APOL5: variants seen among roughly 807,000 people sequenced by gnomAD.
APOL5 encodes the protein apolipoprotein L5.
Under a neutral mutation model 35.5 loss-of-function variants are expected in APOL5, and 29 were observed. That is an observed-to-expected ratio of 0.82 (90% CI 0.61 to 1.11). The LOEUF (loss-of-function observed/expected upper bound fraction) is 1.11, where lower values mean the gene tolerates loss of function less well. Ranked by LOEUF, APOL5 falls within the 50% of genes most tolerant of loss-of-function variation. APOL5 has a pLI of 0.00. For missense variants in APOL5, 514 were observed against 530.4 expected, an observed-to-expected ratio of 0.97 and a Z score of 0.30; for synonymous variants, 188 against 200.2, an observed-to-expected ratio of 0.94 and a Z score of 0.51.
chr22:35,712,096 T>G, the APOL5 span, among the ~76,000 whole-genome samples: 1 of 152,170 alleles, frequency 6.6e-6, no homozygotes, highest in East Asian at 1.9e-4. Context: ...AGCTTCAACC[T>G]CCTGGGCTCA....
chr22:35,711,386 C>G, the APOL5 span, among the ~76,000 whole-genome samples: 2 of 152,104 alleles, frequency 1.3e-5, no homozygotes, highest in African/African-American at 4.8e-5. Context: ...TTTCAATTCT[C>G]TTGGGTATAT....
At position 35,726,512 on chromosome 22, in the gene APOL5, TG is replaced by T; in HGVS notation, c.448del (p.Val150SerfsTer2). The stretch of plus-strand genomic sequence containing the variant: ...TGGCCAGCTCTTCCGGGGCTGTTTC[TG>T]GGGTCATGAACATCCTGGGTTTGGC... Reference protein sequence around the residue: ...LVASSSGAVSGVMNILGLALA... With the variant: ...LVASSSGAVSXVMNILGLALA... On this transcript the variant is annotated frameshift_variant, in exon 3 of 5. Transcript: ENST00000249044. LOFTEE classifies it high-confidence loss of function. 1 of 1,614,210 alleles carries T rather than the reference TG, an allele frequency of 6.2e-7. No homozygotes were observed. Among genetic ancestry groups the T allele is most frequent in the Non-Finnish European group, 8.5e-7 (1 of 1,180,028 alleles).
In APOL5 at chr22:35,726,646, G is replaced by C. The variant is rs747447777; in HGVS notation, c.578G>C (p.Arg193Thr). Reference sequence around the variant, plus strand: ...ATAGTAACAAATGTCTTAGAAAATAGAAGCAATTCAGCAGCAAGAGACAAA... The same window carrying C: ...ATAGTAACAAATGTCTTAGAAAATACAAGCAATTCAGCAGCAAGAGACAAA... ...TNIVTNVLENRSNSAARDKAS... is the reference protein window; with the variant it reads ...TNIVTNVLENTSNSAARDKAS... Residue 193 changes from arginine (R) to threonine (T), a missense_variant, in exon 3 of 5, where the codon AGA becomes ACA. By Grantham distance (71) the Arg-to-Thr change is moderately conservative. Transcript: ENST00000249044. 2.5e-6 allele frequency: 4 copies of C among 1,614,214 alleles called. No individual in the cohort carries two copies. Among genetic ancestry groups the C allele is most frequent in the Non-Finnish European group, 3.4e-6 (4 of 1,180,034 alleles).
intron 3 of APOL5, among the ~76,000 whole-genome samples, 162 bp from the exon 4 acceptor site, chr22:35,728,561 G>A (rs982738222): frequency 6.6e-6 from 1 of 152,290 alleles, no homozygotes; most frequent in East Asian, 1.9e-4. Context: ...GTAATTCTGC[G>A]GTGCCGCCAA....
upstream of APOL5, among the ~76,000 whole-genome samples, chr22:35,714,671 G>A (rs558236593): frequency 1.1e-4 from 16 of 152,320 alleles, no homozygotes; most frequent in South Asian, 2.7e-3. Context: ...GTTCAGGATC[G>A]CTGTGTCCTC....
upstream of APOL5, among the ~76,000 whole-genome samples, chr22:35,715,354 T>A (rs1926713377): frequency 2.0e-5 from 3 of 152,166 alleles, no homozygotes. Context: ...CATAAAAAAC[T>A]TAGTGTCAGC....
chr22:35,714,227 G>A (rs1320467381), upstream of APOL5, among the ~76,000 whole-genome samples: 2 of 152,266 alleles, frequency 1.3e-5, no homozygotes, highest in African/African-American at 2.4e-5. Context: ...CAGGAGAATC[G>A]CTTGAACCTG....
chr22:35,728,433 C>G (rs1462944577), intron 3 of APOL5, among the ~76,000 whole-genome samples: 1 of 152,154 alleles, frequency 6.6e-6, no homozygotes. Context: ...CCGTGTTAGC[C>G]AGGATGGTCT....
chr22:35,726,239 G>C lies in APOL5; in HGVS notation c.171G>C (p.Trp57Cys). ...CACTCGTGAACCTGTGCCAGAGTTGGAAAATTAACAATTTGATGTCAACTG... is the reference window on the plus strand; with the variant it reads ...CACTCGTGAACCTGTGCCAGAGTTGCAAAATTAACAATTTGATGTCAACTG... ...FPSLVNLCQS[W>C]KINNLMSTVH... The change falls in exon 3 of 5, where the codon TGG becomes TGC. Residue 57 changes from tryptophan to cysteine, a missense_variant. Physicochemically the swap from Trp to Cys is radical, Grantham distance 215 (BLOSUM62 -2). This residue lies in a region of APOL5 where 254 missense variants were observed against 254.7 expected (regional missense o/e 1.00). Transcript: ENST00000249044. 1.2e-6 allele frequency: 2 copies of C among 1,611,414 alleles called. No individual in the cohort carries two copies. Among genetic ancestry groups the C allele is most frequent in the Admixed American group, 1.7e-5 (1 of 59,992 alleles).
chr22:35,726,298 TTC>T lies in APOL5; in HGVS notation c.232_233del (p.Leu78ValfsTer2). 1 of 1,614,220 alleles carries T rather than the reference TTC, an allele frequency of 6.2e-7. No homozygotes were observed. ...GATGAGGCTGGTATGCTGTCCTACTTTCTGTTTGAAGAGCTGATGCGATGTGA... is the reference window on the plus strand; with the variant it reads ...GATGAGGCTGGTATGCTGTCCTACTTTGTTTGAAGAGCTGATGCGATGTGA... On this transcript the variant is annotated frameshift_variant, in exon 3 of 5. Transcript: ENST00000249044. LOFTEE classifies it high-confidence loss of function.
chr22:35,718,002 T>C (rs1327952644), intron 1 of APOL5, 76 bp downstream of exon 1: 8 of 1,236,976 alleles, frequency 6.5e-6, no homozygotes, highest in Non-Finnish European at 8.8e-6. Flanking sequence ...AAAAAATACG[T>C]TACACTATTT....
the APOL5 span, among the ~76,000 whole-genome samples, chr22:35,712,815 C>G: frequency 6.6e-6 from 1 of 152,166 alleles, no homozygotes; most frequent in Non-Finnish European, 1.5e-5. Flanking sequence ...TATATTTCTC[C>G]CCAGCAATGG....
upstream of APOL5, among the ~76,000 whole-genome samples, chr22:35,712,983 G>A (rs535447933): frequency 6.6e-6 from 1 of 152,144 alleles, no homozygotes; most frequent in African/African-American, 2.4e-5. Context: ...CTGCCAACCT[G>A]TACACCTTAG....
Position 35,726,446 on chromosome 22 carries a change from A to G in APOL5, c.378A>G (p.Gln126=). ...AAGAACTTAACACCCTTGCGGACCA[A>G]GTTGACACCACTCACGAGTTGCTTA... is the stretch of plus-strand genomic sequence containing the variant. The part of the protein sequence containing the change: ...NIKELNTLAD[Q]VDTTHELLTK... Residue 126 remains glutamine, a synonymous_variant, in exon 3 of 5, where the codon CAA becomes CAG. Coordinates refer to ENST00000249044, the MANE Select transcript of APOL5 (RefSeq NM_030642.1). 1 of 1,614,140 alleles carries G rather than the reference A, an allele frequency of 6.2e-7. No individual in the cohort carries two copies. Among genetic ancestry groups the G allele is most frequent in the Non-Finnish European group, 8.5e-7 (1 of 1,180,040 alleles).
the APOL5 span, among the ~76,000 whole-genome samples, chr22:35,710,667 A>T: frequency 6.6e-6 from 1 of 151,974 alleles, no homozygotes; most frequent in Non-Finnish European, 1.5e-5. Flanking sequence ...CCTCTTGCAA[A>T]ACTGAAACTT....
At chr22:35,719,884 A>T (rs1461108688) in intron 1 of APOL5, among the ~76,000 whole-genome samples, 1 of 152,176 alleles carries the variant, frequency 6.6e-6, no homozygotes, top group African/African-American at 2.4e-5. Flanking sequence ...GGTTTTATCG[A>T]GTGTAGTTCT....
chr22:35,718,677 A>C (rs954086229), intron 1 of APOL5, among the ~76,000 whole-genome samples: 2 of 152,132 alleles, frequency 1.3e-5, no homozygotes, highest in Admixed American at 1.3e-4. Context: ...ATCTTCTCTT[A>C]AGGAAATAGC....
chr22:35,722,889 T>C (rs5995162), intron 2 of APOL5, among the ~76,000 whole-genome samples: 108,584 of 151,976 alleles, frequency 0.71, 39,420 homozygotes, highest in African/African-American at 0.83. Context: ...TACAAGGCGA[T>C]CTGGAAGGGC....
rs755605089 is a variant in APOL5, at chr22:35,726,578, A to G, written c.510A>G (p.Ser170=). 2 of 1,614,164 alleles carry G rather than the reference A, an allele frequency of 1.2e-6. No individual in the cohort carries two copies. ...CAGCAGGAGGCAGTCTCATGCTCTC[A>G]GCAACTGGGACAGGGTTGGGGGCAG... is the stretch of plus-strand genomic sequence containing the variant. ...PVTAGGSLML[S]ATGTGLGAAA... is the part of the protein sequence containing the mutation. The change falls in exon 3 of 5, where the codon TCA becomes TCG. Residue 170 remains serine, a synonymous_variant. Transcript: ENST00000249044.
Sources: allele counts gnomAD v4.1 joint callset (sites outside exome capture counted in the v4.1 genomes callset), GRCh38; gene constraint gnomAD v4.1.1; regional missense constraint gnomAD v4.1.1; transcripts MANE v1.5; gene names NCBI Gene and HGNC (gene_info 2026-07-23, HGNC 2026-07-21).